The following IRAG2 variants were observed in gnomAD, a reference collection of about 807,000 sequenced individuals.
The protein encoded by IRAG2 is lymphoid restricted membrane protein.
IRAG2 carries 45 observed loss-of-function variants against 69.9 expected under a neutral mutation model. That is an observed-to-expected ratio of 0.64 (90% CI 0.51 to 0.83). IRAG2 has a LOEUF of 0.83. Ranked by LOEUF, IRAG2 falls within the 40% of genes least tolerant of loss-of-function variation. The pLI, the probability that IRAG2 is intolerant of heterozygous loss-of-function variation, is 0.00. For synonymous variants in IRAG2, 193 were observed against 202.4 expected, an observed-to-expected ratio of 0.95 and a Z score of 0.40; for missense variants, 520 against 587.0, an observed-to-expected ratio of 0.89 and a Z score of 1.18.
intron 8 of IRAG2, 46 bp from the exon 9 acceptor site, chr12:25,079,610 A>G: frequency 7.6e-7 from 1 of 1,315,546 alleles, no homozygotes; most frequent in East Asian, 2.3e-5. Flanking sequence ...ACTATATATA[A>G]TATTATGTGC....
At chr12:25,015,072 T>C in intron 3 of IRAG2, 1 of 410,358 alleles carries the variant, frequency 2.4e-6, no homozygotes, top group Non-Finnish European at 3.3e-6. Flanking sequence ...AAAAGGAAAG[T>C]ACAGAGCATA....
chr12:25,052,204 CTT>C (rs10690368), upstream of IRAG2: 11,827 of 271,100 alleles, frequency 0.044, no homozygotes, highest in Middle Eastern at 0.074. Flanking sequence ...GCGGTTTGGA[CTT>C]TTTTTTTTTT....
At chr12:25,034,383 T>C (rs1355781382) in intron 13 of IRAG2, among the ~76,000 whole-genome samples, 1 of 152,226 alleles carries the variant, frequency 6.6e-6, no homozygotes, top group Non-Finnish European at 1.5e-5. Context: ...TATAATTGTA[T>C]CAGCCCAAAT....
At chr12:25,013,600 T>C (rs1032841892) in intron 3 of IRAG2, among the ~76,000 whole-genome samples, 3 of 152,172 alleles carry the variant, frequency 2.0e-5, no homozygotes, top group Non-Finnish European at 2.9e-5. Flanking sequence ...ATGACAGTGA[T>C]AAATACAAGC....
At chr12:25,033,113 T>G (rs571616897) in intron 12 of IRAG2, among the ~76,000 whole-genome samples, 1 of 152,162 alleles carries the variant, frequency 6.6e-6, no homozygotes, top group East Asian at 1.9e-4. Flanking sequence ...TATGCCACCA[T>G]GCCTGGCTAA....
At chr12:25,014,679 T>C (rs1415479765) in intron 3 of IRAG2, among the ~76,000 whole-genome samples, 2 of 152,132 alleles carry the variant, frequency 1.3e-5, no homozygotes, top group Non-Finnish European at 2.9e-5. Flanking sequence ...CGAGGTTCTA[T>C]TTGATTCTCC....
chr12:25,040,517 G>A (rs75271145), intron 16 of IRAG2, among the ~76,000 whole-genome samples: 6 of 151,024 alleles, frequency 4.0e-5, no homozygotes, highest in South Asian at 2.1e-4. Context: ...TAAAAAAAAA[G>A]AGAGAGAGAG....
chr12:25,107,471 C>T (rs1274178750), intron 21 of IRAG2, among the ~76,000 whole-genome samples: 1 of 152,176 alleles, frequency 6.6e-6, no homozygotes, highest in African/African-American at 2.4e-5. Flanking sequence ...AGTACATACA[C>T]AGACATCCAC....
upstream of IRAG2, among the ~76,000 whole-genome samples, chr12:24,999,840 C>T (rs1333738999): frequency 2.7e-5 from 4 of 150,590 alleles, no homozygotes; most frequent in African/African-American, 9.7e-5. Context: ...AAATACAAGA[C>T]AGCCAGTGAA....
At chr12:25,081,959 A>G (rs1035490870) in intron 9 of IRAG2, among the ~76,000 whole-genome samples, 2 of 152,106 alleles carry the variant, frequency 1.3e-5, no homozygotes, top group Admixed American at 6.5e-5. Context: ...CAGTGTTACA[A>G]TCATAGCTCA....
rs377584665 is a variant in IRAG2, at chr12:25,009,165, G to C, written c.689-2179G>C. Among the ~76,000 whole-genome samples, 19 of 152,166 alleles carry C rather than the reference G, an allele frequency of 1.2e-4. No individual in the cohort carries two copies. In the East Asian group the frequency reaches 2.5e-3, roughly 20 times the overall value. ...AAAAAATATTTTAAAAATTAGCTAG[G>C]CATGGTGGCACACGCCTGTAATCCC... On this transcript the variant is annotated intron_variant, in intron 2 of 38. Transcript: ENST00000636465.
At chr12:25,092,133 C>A (rs11609915) in intron 14 of IRAG2, among the ~76,000 whole-genome samples, 2 of 149,954 alleles carry the variant, frequency 1.3e-5, no homozygotes, top group African/African-American at 4.9e-5. Context: ...GGTGTGGTAG[C>A]GGGCGTCTGT....
chr12:25,105,453 C>T (rs924311386), intron 20 of IRAG2, among the ~76,000 whole-genome samples: 6 of 152,018 alleles, frequency 3.9e-5, no homozygotes, highest in African/African-American at 1.2e-4. Flanking sequence ...TATACATTTT[C>T]GTGAGTGCCT....
upstream of IRAG2, chr12:25,052,268 G>T (rs1591942743): frequency 1.3e-5 from 5 of 386,354 alleles, no homozygotes; most frequent in East Asian, 1.8e-4. Flanking sequence ...AACAACTACA[G>T]GAAGATGCTG....
intron 16 of IRAG2, 137 bp from the exon 17 acceptor site, chr12:25,102,059 CAG>C (rs1324393654): frequency 2.8e-5 from 20 of 712,898 alleles, no homozygotes; most frequent in Admixed American, 2.6e-4. Flanking sequence ...GAATGATAAA[CAG>C]ATATTTATAT....
chr12:25,045,679 A>G (rs959006061), intron 16 of IRAG2, among the ~76,000 whole-genome samples: 4 of 151,984 alleles, frequency 2.6e-5, no homozygotes, highest in Non-Finnish European at 5.9e-5. Flanking sequence ...TGAATCATGA[A>G]GAAATTGAAA....
intron 2 of IRAG2, chr12:25,011,248 A>C (rs1221541193): frequency 2.4e-6 from 2 of 835,472 alleles, no homozygotes; most frequent in Non-Finnish European, 3.2e-6. Flanking sequence ...CCAGCTCCGC[A>C]GGACTGCCAG....
chr12:25,071,715 A>G (rs1001624460), intron 6 of IRAG2, among the ~76,000 whole-genome samples: 1 of 152,214 alleles, frequency 6.6e-6, no homozygotes, highest in Admixed American at 6.5e-5. Flanking sequence ...CAAAGGATAC[A>G]GGCCTTTGTC....
chr12:25,078,640 T>C (rs991787975), intron 6 of IRAG2, among the ~76,000 whole-genome samples: 1 of 152,306 alleles, frequency 6.6e-6, no homozygotes, highest in African/African-American at 2.4e-5. Flanking sequence ...ACCCCCAAAA[T>C]AGGAATTCCT....
Sources: allele counts gnomAD v4.1 joint callset (sites outside exome capture counted in the v4.1 genomes callset), GRCh38; gene constraint gnomAD v4.1.1; transcripts MANE v1.5; gene names NCBI Gene and HGNC (gene_info 2026-07-23, HGNC 2026-07-21).